The following CNTN5 variants were observed in gnomAD, a reference collection of about 807,000 sequenced individuals.
CNTN5 encodes the protein contactin 5, also known as contactin-5.
Under a neutral mutation model 129.1 loss-of-function variants are expected in CNTN5, and 77 were observed. That is an observed-to-expected ratio of 0.60 (90% CI 0.50 to 0.72). The LOEUF (loss-of-function observed/expected upper bound fraction) is 0.72, where lower values mean the gene tolerates loss of function less well. Among genes scored for constraint, CNTN5 ranks in the 30% least tolerant of loss-of-function variants. CNTN5 has a pLI of 0.00. For missense variants in CNTN5, 1,478 were observed against 1,328.8 expected (o/e 1.11, Z -1.75); for synonymous variants, 509 against 465.6 (o/e 1.09, Z -1.20).
chr11:99,509,780 C>T (rs550164873), intron 2 of CNTN5, among the ~76,000 whole-genome samples: 111 of 151,838 alleles, frequency 7.3e-4, no homozygotes, highest in African/African-American at 2.6e-3. Context: ...GGGTAATTTC[C>T]TTAATACATC....
intron 4 of CNTN5, among the ~76,000 whole-genome samples, chr11:99,824,238 A>G (rs190580011): frequency 6.6e-6 from 1 of 152,148 alleles, no homozygotes; most frequent in East Asian, 1.9e-4. Flanking sequence ...TGACACTTCT[A>G]CCAACATTAT....
In CNTN5 at chr11:100,293,028, A is replaced by C. The variant is rs1008717376; in HGVS notation, c.2315-4597A>C. ...GTTCAAAAATTATGGAAGAGACACAATGGAATATTATTATAAGATGGGCTG... is the reference window on the plus strand; with the variant it reads ...GTTCAAAAATTATGGAAGAGACACACTGGAATATTATTATAAGATGGGCTG... On this transcript the variant is annotated intron_variant, in intron 18 of 24. Transcript: ENST00000524871. Among the ~76,000 whole-genome samples the C allele has an allele frequency of 2.6e-5, 4 of 151,938 alleles. No homozygotes were observed. In the East Asian group the frequency reaches 7.7e-4, roughly 29 times the overall value.
chr11:100,088,905 A>G (rs1023371160), intron 13 of CNTN5, among the ~76,000 whole-genome samples: 1 of 152,082 alleles, frequency 6.6e-6, no homozygotes, highest in Non-Finnish European at 1.5e-5. Context: ...CATCACTCCA[A>G]TATCAAAACC....
At chr11:99,236,299 C>G (rs1156385605) in intron 1 of CNTN5, among the ~76,000 whole-genome samples, 1 of 152,178 alleles carries the variant, frequency 6.6e-6, no homozygotes, top group African/African-American at 2.4e-5. Flanking sequence ...TGTTCCCTCT[C>G]TCTAGGAAGG....
At chr11:99,373,436 G>A (rs1344567264) in intron 2 of CNTN5, among the ~76,000 whole-genome samples, 2 of 151,772 alleles carry the variant, frequency 1.3e-5, no homozygotes, top group Non-Finnish European at 2.9e-5. Context: ...TTAAAAGGCC[G>A]GGCGTGGTGG....
At chr11:99,047,044 C>G (rs931878393) in intron 1 of CNTN5, among the ~76,000 whole-genome samples, 4 of 151,730 alleles carry the variant, frequency 2.6e-5, no homozygotes, top group African/African-American at 9.7e-5. Flanking sequence ...CAGTATAATT[C>G]TGCTGTGTCC....
At position 99,625,900 on chromosome 11, in the gene CNTN5, TTA is replaced by T. The variant is rs140396628; in HGVS notation, c.55+69654_55+69655del. Among the ~76,000 whole-genome samples the T allele has an allele frequency of 1.6e-3, 231 of 146,380 alleles. 2 individuals carry two copies. The highest frequency in any genetic ancestry group is 3.5e-3 in the Middle Eastern group (1 of 288). Reference sequence around the variant, plus strand: ...TCATGAGCTCATGATAAGGGCAAGATTATATATATATATATATATATATACAC... The same window carrying T: ...TCATGAGCTCATGATAAGGGCAAGATTATATATATATATATATATATACAC... On this transcript the variant is annotated intron_variant, in intron 3 of 24. Coordinates refer to ENST00000524871, the MANE Select transcript of CNTN5 (RefSeq NM_014361.4).
chr11:99,806,558 T>G (rs769333568), intron 3 of CNTN5, among the ~76,000 whole-genome samples: 3 of 151,960 alleles, frequency 2.0e-5, no homozygotes, highest in Non-Finnish European at 2.9e-5. Flanking sequence ...GCTGTAATCC[T>G]AGCACCCTGG....
At chr11:100,319,072 C>A (rs1002375561) in intron 21 of CNTN5, among the ~76,000 whole-genome samples, 4 of 151,954 alleles carry the variant, frequency 2.6e-5, no homozygotes, top group Non-Finnish European at 5.9e-5. Context: ...CCCAGAGACC[C>A]AGTTTGGGTC....
intron 18 of CNTN5, among the ~76,000 whole-genome samples, chr11:100,290,893 A>AC (rs1243593626): frequency 6.6e-6 from 1 of 151,696 alleles, no homozygotes; most frequent in African/African-American, 2.4e-5. Context: ...TCTACAATGA[A>AC]CTCAAACAAA....
chr11:99,194,748 G>C (rs1858817084), intron 1 of CNTN5, among the ~76,000 whole-genome samples: 1 of 152,140 alleles, frequency 6.6e-6, no homozygotes, highest in South Asian at 2.1e-4. Context: ...TGGGACTACA[G>C]GTGCATGCCG....
intron 7 of CNTN5, among the ~76,000 whole-genome samples, chr11:99,923,048 G>T (rs1441551495): frequency 1.3e-5 from 2 of 152,096 alleles, no homozygotes; most frequent in African/African-American, 4.8e-5. Context: ...ACACATCAGA[G>T]AATATTAAAA....
intron 17 of CNTN5, among the ~76,000 whole-genome samples, chr11:100,269,189 A>G (rs1270971611): frequency 6.6e-6 from 1 of 152,210 alleles, no homozygotes. Flanking sequence ...TCAAAGGATG[A>G]TGATAGTTCA....
chr11:99,188,363 T>C (rs1858459684), intron 1 of CNTN5, among the ~76,000 whole-genome samples: 1 of 151,720 alleles, frequency 6.6e-6, no homozygotes, highest in Non-Finnish European at 1.5e-5. Context: ...CCAAGTCCCT[T>C]TCCAATTTCA....
intron 1 of CNTN5, among the ~76,000 whole-genome samples, chr11:99,110,078 G>T (rs952123105): frequency 6.6e-6 from 1 of 152,114 alleles, no homozygotes; most frequent in African/African-American, 2.4e-5. Context: ...CATATCTCTT[G>T]AGAAAGAAGG....
At chr11:100,178,092 A>T (rs778264676) in intron 13 of CNTN5, among the ~76,000 whole-genome samples, 2 of 152,112 alleles carry the variant, frequency 1.3e-5, no homozygotes, top group Non-Finnish European at 2.9e-5. Context: ...TGAACCCTTT[A>T]TCAATGCACT....
At chr11:99,118,626 C>T (rs879592893) in intron 1 of CNTN5, among the ~76,000 whole-genome samples, 18 of 151,660 alleles carry the variant, frequency 1.2e-4, no homozygotes, top group South Asian at 2.1e-4. Context: ...AAACAATTAA[C>T]GAAAACAAGA....
At chr11:99,658,928 G>A (rs1952492920) in intron 3 of CNTN5, among the ~76,000 whole-genome samples, 1 of 149,920 alleles carries the variant, frequency 6.7e-6, no homozygotes, top group East Asian at 1.9e-4. Flanking sequence ...TATAATGAGT[G>A]CCATTGCCCT....
At chr11:99,306,149 C>T (rs1864865834) in intron 1 of CNTN5, among the ~76,000 whole-genome samples, 1 of 152,146 alleles carries the variant, frequency 6.6e-6, no homozygotes, top group Non-Finnish European at 1.5e-5. Context: ...TAGTGGAGAG[C>T]TGTCCTTTAG....
Sources: allele counts gnomAD v4.1 joint callset (sites outside exome capture counted in the v4.1 genomes callset), GRCh38; gene constraint gnomAD v4.1.1; transcripts MANE v1.5; gene names NCBI Gene and HGNC (gene_info 2026-07-23, HGNC 2026-07-21).